The following HMGCLL1 variants were observed in gnomAD, a reference collection of about 807,000 sequenced individuals.
HMGCLL1 encodes the protein 3-hydroxymethyl-3-methylglutaryl-CoA lyase, cytoplasmic.
In HMGCLL1, 36 loss-of-function variants were observed where a neutral mutation model predicts 39.1. The observed-to-expected ratio is 0.92, with a 90% CI of 0.71 to 1.22. The LOEUF is 1.22. HMGCLL1 is among the 50% of genes most tolerant of loss of function. The pLI is 0.00. For synonymous variants in HMGCLL1, 149 were observed against 144.0 expected, an observed-to-expected ratio of 1.03 and a Z score of -0.25; for missense variants, 451 against 416.5, an observed-to-expected ratio of 1.08 and a Z score of -0.72.
At chr6:55,448,933 C>T (rs1763969289) in intron 7 of HMGCLL1, among the ~76,000 whole-genome samples, 1 of 152,174 alleles carries the variant, frequency 6.6e-6, no homozygotes, top group South Asian at 2.1e-4. Context: ...TATCCAGCTT[C>T]AGTCACAGTG....
chr6:55,475,586 A>C (rs1005596612), intron 7 of HMGCLL1, among the ~76,000 whole-genome samples: 2 of 151,486 alleles, frequency 1.3e-5, no homozygotes, highest in African/African-American at 4.9e-5. Flanking sequence ...GGTGATTTCC[A>C]AACTCTTTAC....
At chr6:55,588,925 AC>A in the HMGCLL1 span, among the ~76,000 whole-genome samples, 1 of 152,046 alleles carries the variant, frequency 6.6e-6, no homozygotes, top group South Asian at 2.1e-4. Context: ...TAGCTTACCA[AC>A]CAAAAAAAGT....
intron 7 of HMGCLL1, among the ~76,000 whole-genome samples, chr6:55,480,658 G>T (rs1482821790): frequency 6.6e-6 from 1 of 151,664 alleles, no homozygotes; most frequent in Admixed American, 6.6e-5. Flanking sequence ...AAGGAAATTA[G>T]TATACCTAAC....
chr6:55,675,043 A>G, the HMGCLL1 span, among the ~76,000 whole-genome samples: 2 of 152,148 alleles, frequency 1.3e-5, no homozygotes, highest in Admixed American at 6.6e-5. Flanking sequence ...AAGGAAAGAA[A>G]AACATTTACT....
chr6:55,487,831 A>C (rs1766115185), intron 7 of HMGCLL1, among the ~76,000 whole-genome samples: 1 of 152,086 alleles, frequency 6.6e-6, no homozygotes, highest in African/African-American at 2.4e-5. Flanking sequence ...AGTATTAAAA[A>C]AAAATAAAAT....
intron 1 of HMGCLL1, among the ~76,000 whole-genome samples, chr6:55,578,504 T>C (rs930975019): frequency 6.6e-6 from 1 of 152,240 alleles, no homozygotes; most frequent in Non-Finnish European, 1.5e-5. Context: ...CATCCTACTA[T>C]GTCTTCTTAA....
the HMGCLL1 span, among the ~76,000 whole-genome samples, chr6:55,594,026 C>A: frequency 6.6e-6 from 1 of 152,100 alleles, no homozygotes; most frequent in African/African-American, 2.4e-5. Context: ...ATATATTATT[C>A]ATCATTTTAT....
the HMGCLL1 span, among the ~76,000 whole-genome samples, chr6:55,677,637 T>C: frequency 0.49 from 74,219 of 151,954 alleles, 18,389 homozygotes; most frequent in African/African-American, 0.51. Context: ...TCAGAGAATA[T>C]TATAATTCCT....
chr6:55,615,325 C>A, the HMGCLL1 span, among the ~76,000 whole-genome samples: 1 of 151,972 alleles, frequency 6.6e-6, no homozygotes, highest in East Asian at 1.9e-4. Context: ...AGAAAGCGTA[C>A]ACATGAGGAA....
intron 7 of HMGCLL1, among the ~76,000 whole-genome samples, chr6:55,445,391 T>C (rs1763778345): frequency 6.6e-6 from 1 of 152,054 alleles, no homozygotes; most frequent in Admixed American, 6.6e-5. Context: ...AATTTTAATA[T>C]GATGTAAACA....
the HMGCLL1 span, among the ~76,000 whole-genome samples, chr6:55,630,231 T>C: frequency 1.3e-5 from 2 of 152,166 alleles, no homozygotes; most frequent in African/African-American, 4.8e-5. Context: ...ATATGAGACA[T>C]GGATCAAAGG....
upstream of HMGCLL1, among the ~76,000 whole-genome samples, chr6:55,582,708 G>A (rs1195209470): frequency 6.6e-6 from 1 of 152,008 alleles, no homozygotes; most frequent in African/African-American, 2.4e-5. Context: ...AGATATCAAT[G>A]AAGACACCTA....
intron 3 of HMGCLL1, among the ~76,000 whole-genome samples, chr6:55,534,780 G>A (rs1162401492): frequency 6.6e-6 from 1 of 152,182 alleles, no homozygotes; most frequent in African/African-American, 2.4e-5. Flanking sequence ...ATTGTTTTAA[G>A]CCATTAAATT....
At chr6:55,521,265 A>T (rs371148521) in intron 3 of HMGCLL1, among the ~76,000 whole-genome samples, 2 of 152,256 alleles carry the variant, frequency 1.3e-5, no homozygotes, top group African/African-American at 2.4e-5. Flanking sequence ...AAGATAATGC[A>T]TATGAGAATG....
intron 1 of HMGCLL1, among the ~76,000 whole-genome samples, chr6:55,573,823 CAA>C (rs2127478042): frequency 6.6e-6 from 1 of 152,108 alleles, no homozygotes; most frequent in African/African-American, 2.4e-5. Context: ...CAACAAACAT[CAA>C]GTCATAGATC....
intron 1 of HMGCLL1, chr6:55,563,814 C>A (rs899717235): frequency 8.4e-7 from 1 of 1,186,794 alleles, no homozygotes; most frequent in African/African-American, 1.6e-5. Context: ...TTCTCCTATT[C>A]TCACCTTTAG....
At chr6:55,658,708 A>C in the HMGCLL1 span, among the ~76,000 whole-genome samples, 1 of 151,950 alleles carries the variant, frequency 6.6e-6, no homozygotes, top group Non-Finnish European at 1.5e-5. Context: ...TACTTTTGTT[A>C]GGTATTGGGA....
the HMGCLL1 span, among the ~76,000 whole-genome samples, chr6:55,604,488 T>G: frequency 4.1e-4 from 62 of 152,232 alleles, no homozygotes; most frequent in African/African-American, 1.5e-3. Flanking sequence ...AAAATACATT[T>G]TAAACGCTGC....
chr6:55,468,182 G>C (rs959809080), intron 7 of HMGCLL1, among the ~76,000 whole-genome samples: 5 of 152,002 alleles, frequency 3.3e-5, no homozygotes, highest in African/African-American at 1.2e-4. Context: ...GCTGTATGCA[G>C]AACTTGAGAT....
Sources: gnomAD v4.1 joint callset for allele counts (sites outside exome capture counted in the v4.1 genomes callset) on GRCh38, gnomAD v4.1.1 for gene constraint, MANE v1.5 for transcripts, NCBI Gene and HGNC (gene_info 2026-07-23, HGNC 2026-07-21) for gene names.